ITSN2: variants seen among roughly 807,000 people sequenced by gnomAD.
The protein encoded by ITSN2 is intersectin 2, also known as intersectin-2.
ITSN2 carries 156 observed loss-of-function variants against 243.7 expected under a neutral mutation model. The ratio of observed to expected loss-of-function variants is 0.64; its 90% CI spans 0.56 to 0.73. ITSN2 has a LOEUF of 0.73. ITSN2 is among the 30% of genes least tolerant of loss of function. The pLI is 0.00. For missense variants in ITSN2, 1,801 were observed against 1,996.1 expected (o/e 0.90, Z 1.86); for synonymous variants, 703 against 699.9 (o/e 1.00, Z -0.07).
intron 2 of ITSN2, among the ~76,000 whole-genome samples, chr2:24,318,552 G>A (rs1033977039): frequency 1.3e-5 from 2 of 152,170 alleles, no homozygotes; most frequent in Non-Finnish European, 2.9e-5. Flanking sequence ...AAGTAAGATA[G>A]TGTGGTCACT....
intron 34 of ITSN2, 118 bp downstream of exon 34, chr2:24,210,662 G>T: frequency 1.3e-6 from 1 of 795,862 alleles, no homozygotes; most frequent in Non-Finnish European, 1.9e-6. Context: ...GCAGGGGCAG[G>T]GTGGTGAGTC....
At position 24,252,531 on chromosome 2, in the gene ITSN2, A is replaced by C; in HGVS notation, c.2954-20T>G. On this transcript the variant is annotated intron_variant, in intron 24 of 39. Coordinates refer to ENST00000355123, the MANE Select transcript of ITSN2 (RefSeq NM_006277.3). Reference sequence around the variant, plus strand: ...TATATTCTGTAGGGAACAAAGCAAAAAGAAGTAGATTCTGGTTTTAAGATT... The same window carrying C: ...TATATTCTGTAGGGAACAAAGCAAACAGAAGTAGATTCTGGTTTTAAGATT... 1 of 1,564,384 alleles carries C rather than the reference A, an allele frequency of 6.4e-7. No homozygotes were observed. The highest frequency in any genetic ancestry group is 8.7e-7 in the Non-Finnish European group (1 of 1,145,840).
At chr2:24,331,547 C>A (rs1685784866) in intron 1 of ITSN2, among the ~76,000 whole-genome samples, 1 of 152,134 alleles carries the variant, frequency 6.6e-6, no homozygotes, top group Non-Finnish European at 1.5e-5. Flanking sequence ...GGAGGGATTC[C>A]CTGACTTTAA....
intron 1 of ITSN2, among the ~76,000 whole-genome samples, chr2:24,335,642 C>CTT (rs759864257): frequency 2.0e-5 from 3 of 151,144 alleles, no homozygotes; most frequent in Non-Finnish European, 2.9e-5. Flanking sequence ...CCTTCCAGGG[C>CTT]TGTTTGTTTG....
At chr2:24,320,156 C>T (rs994962999) in intron 2 of ITSN2, among the ~76,000 whole-genome samples, 4 of 150,996 alleles carry the variant, frequency 2.6e-5, no homozygotes, top group Admixed American at 2.6e-4. Context: ...GCAGGAGGAT[C>T]CCTTGAGCTC....
rs1004423196 is a variant in ITSN2 at position 24,249,082 on chromosome 2, G to C, written c.3121-200C>G. Among the ~76,000 whole-genome samples the C allele has an allele frequency of 6.6e-6, 1 of 152,172 alleles. No individual in the cohort carries two copies. Among genetic ancestry groups the C allele is most frequent in the Admixed American group, 6.5e-5 (1 of 15,282 alleles). ...TTATGAGGAGATCTGGTCTGCTAAT[G>C]TAATACATTATATACGAGTGGCTGT... On this transcript the variant is annotated intron_variant, in intron 25 of 39. Coordinates refer to ENST00000355123, the MANE Select transcript of ITSN2 (RefSeq NM_006277.3). This position sits in a 1 kb window ranked among gnomAD's most constrained non-coding sequence, Gnocchi z 4.4.
At chr2:24,248,557 A>G in intron 27 of ITSN2, 72 bp downstream of exon 27, 1 of 1,326,150 alleles carries the variant, frequency 7.5e-7, no homozygotes, top group Non-Finnish European at 1.0e-6. Flanking sequence ...AATTTTTATT[A>G]ATTTTATCTT....
At position 24,312,273 on chromosome 2, in the gene ITSN2, C is replaced by A. The variant is rs958252684; in HGVS notation, c.291G>T (p.Val97=). ...GTTGCTTCATAATAGGAGGGAGAAC[C>A]ACAGGCAACTGTTGGCCTTGAAGCT... ...KLKLQGQQLP[V]VLPPIMKQPP... The change falls in exon 5 of 40, where the codon GTG becomes GTT. Residue 97 remains valine, a synonymous_variant. Coordinates refer to ENST00000355123, the MANE Select transcript of ITSN2 (RefSeq NM_006277.3). The A allele has an allele frequency of 6.2e-7, 1 of 1,613,506 alleles. No individual in the cohort carries two copies. Among genetic ancestry groups the A allele is most frequent in the Non-Finnish European group, 8.5e-7 (1 of 1,179,698 alleles).
At chr2:24,272,084 A>T in intron 18 of ITSN2, 143 bp from the exon 19 acceptor site, 1 of 622,566 alleles carries the variant, frequency 1.6e-6, no homozygotes. Flanking sequence ...TGCTGAGATC[A>T]GAGGTGAAAG....
intron 15 of ITSN2, 84 bp from the exon 16 acceptor site, chr2:24,286,435 G>A: frequency 1.8e-6 from 2 of 1,119,544 alleles, no homozygotes; most frequent in Non-Finnish European, 1.4e-6. Flanking sequence ...TGGTCAGATT[G>A]ATGTAACTAG....
At chr2:24,286,143 T>G (rs997588092) in intron 16 of ITSN2, 69 bp downstream of exon 16, 7 of 867,528 alleles carry the variant, frequency 8.1e-6, no homozygotes, top group Non-Finnish European at 1.3e-5. Flanking sequence ...AGCTATTTAT[T>G]CTATTAAATC....
At chr2:24,260,361 A>G (rs1326138939) in intron 22 of ITSN2, among the ~76,000 whole-genome samples, 4 of 152,040 alleles carry the variant, frequency 2.6e-5, no homozygotes, top group African/African-American at 9.7e-5. Context: ...GAAGTCTGCA[A>G]TTTAAAAAAA....
At chr2:24,345,774 C>T (rs1006179740) in intron 1 of ITSN2, among the ~76,000 whole-genome samples, 7 of 151,804 alleles carry the variant, frequency 4.6e-5, no homozygotes, top group African/African-American at 1.7e-4. Flanking sequence ...GCTATAAATG[C>T]TTTTAATCTA....
At position 24,248,701 on chromosome 2, in the gene ITSN2, A is replaced by C; in HGVS notation, c.3216T>G (p.Leu1072=). The C allele has an allele frequency of 6.2e-7, 1 of 1,613,342 alleles. No individual in the cohort carries two copies. Among genetic ancestry groups the C allele is most frequent in the Non-Finnish European group, 8.5e-7 (1 of 1,179,554 alleles). The change falls in exon 27 of 40, where the codon CTT becomes CTG. Residue 1072 remains leucine, a synonymous_variant. Coordinates refer to ENST00000355123, the MANE Select transcript of ITSN2 (RefSeq NM_006277.3). ...ATATTAACTGTCCTGGTGCAAGGCT[A>C]AGTTGTTCAGAACCAGAAGCAACAT... is the stretch of plus-strand genomic sequence containing the variant. ...SAYVASGSEQ[L]SLAPGQLILI...
rs1343753326 is a variant in ITSN2 at position 24,204,746 on chromosome 2, TG to T, written c.4763-329del. The T allele has an allele frequency of 1.7e-5, 9 of 517,472 alleles. No homozygotes were observed. Among genetic ancestry groups the T allele is most frequent in the African/African-American group, 1.5e-4 (8 of 52,584 alleles). The allele number at this position is 517,472 out of a possible 1,614,324, so 32.1% of individuals were successfully genotyped here. A position where few individuals can be genotyped will look rare whatever the true frequency, so the allele number is the denominator to read the frequency against. On this transcript the variant is annotated intron_variant, in intron 38 of 39. Coordinates refer to ENST00000355123, the MANE Select transcript of ITSN2 (RefSeq NM_006277.3). This position sits in a 1 kb window ranked among gnomAD's most constrained non-coding sequence, Gnocchi z 5.1. ...CGGGAAGGCGGGCACTGGCACTTACTGGGAAAACAGTGATAAGAATATTGGT... is the reference window on the plus strand; with the variant it reads ...CGGGAAGGCGGGCACTGGCACTTACTGGAAAACAGTGATAAGAATATTGGT...
intron 15 of ITSN2, among the ~76,000 whole-genome samples, chr2:24,289,461 C>A (rs1679957755): frequency 1.3e-5 from 2 of 152,216 alleles, no homozygotes; most frequent in African/African-American, 4.8e-5. Context: ...TTGTGTCCTA[C>A]AACTTTACTC....
intron 13 of ITSN2, among the ~76,000 whole-genome samples, chr2:24,296,596 G>C (rs1320269849): frequency 4.6e-5 from 7 of 152,032 alleles, no homozygotes; most frequent in Non-Finnish European, 1.0e-4. Context: ...ACCATATAAG[G>C]ACACAATGAA....
At chr2:24,220,102 G>A (rs1670304044) in intron 30 of ITSN2, among the ~76,000 whole-genome samples, 1 of 152,214 alleles carries the variant, frequency 6.6e-6, no homozygotes, top group Non-Finnish European at 1.5e-5. Context: ...GTTTAAGGTG[G>A]AGAGTGAATC....
At chr2:24,292,834 T>C (rs1680435033) in intron 15 of ITSN2, among the ~76,000 whole-genome samples, 1 of 152,236 alleles carries the variant, frequency 6.6e-6, no homozygotes, top group African/African-American at 2.4e-5. Flanking sequence ...TTCTCATTTG[T>C]CTTGCTCCTT....
Sources: gnomAD v4.1 joint callset for allele counts (sites outside exome capture counted in the v4.1 genomes callset) on GRCh38, gnomAD v4.1.1 for gene constraint, Gnocchi (gnomAD v3.1) non-coding constraint, MANE v1.5 for transcripts, NCBI Gene and HGNC (gene_info 2026-07-23, HGNC 2026-07-21) for gene names.